The following ZBTB24 variants were observed in gnomAD, a reference collection of about 807,000 sequenced individuals.
The protein encoded by ZBTB24 is zinc finger and BTB domain containing 24, also known as zinc finger and BTB domain-containing protein 24.
Under a neutral mutation model 53.8 loss-of-function variants are expected in ZBTB24, and 32 were observed. The ratio of observed to expected loss-of-function variants is 0.60; its 90% CI spans 0.45 to 0.80. The LOEUF is 0.80. ZBTB24 is among the 30% of genes least tolerant of loss of function. The probability of loss-of-function intolerance (pLI) is 0.00; values close to 1 mark genes in which losing one functional copy is unlikely to be tolerated. For missense variants in ZBTB24, 722 were observed against 837.1 expected (o/e 0.86, Z 1.70); for synonymous variants, 297 against 306.7 (o/e 0.97, Z 0.33).
chr6:109,481,446 T>C lies in ZBTB24; in HGVS notation c.581A>G (p.Asn194Ser), dbSNP rs200325007. 1 of 1,614,260 alleles carries C rather than the reference T, an allele frequency of 6.2e-7. No homozygotes were observed. Among genetic ancestry groups the C allele is most frequent in the East Asian group, 2.2e-5 (1 of 44,894 alleles). The change falls in exon 2 of 7, where the codon AAT (asparagine) becomes AGT (serine). Residue 194 changes from asparagine to serine, a missense_variant. By Grantham distance (46) the Asn-to-Ser change is conservative. Coordinates refer to ENST00000230122, the MANE Select transcript of ZBTB24 (RefSeq NM_014797.3). ...TCCTTTAACCACAAAGTTTTGTCTA[T>C]TCTGAACTGAATTGTTCACTCTTAA... is the stretch of plus-strand genomic sequence containing the variant. ...IQLRVNNSVQ[N>S]RQNFVVKGDS...
rs528269227 is a variant in ZBTB24, at chr6:109,469,401, T to C, written c.1289-1667A>G. Reference sequence around the variant, plus strand: ...CTGAGTTTCTATTTCAGAAAGTCTGTCTGATGGCAAATGTTTTTTGAGGGT... The same window carrying C: ...CTGAGTTTCTATTTCAGAAAGTCTGCCTGATGGCAAATGTTTTTTGAGGGT... On this transcript the variant is annotated intron_variant, in intron 5 of 6. Transcript: ENST00000230122. Among the ~76,000 whole-genome samples the C allele has an allele frequency of 6.2e-4, 95 of 152,370 alleles. 1 individual carries two copies. In the South Asian group the frequency reaches 0.019, roughly 31 times the overall value.
chr6:109,478,957 G>C (rs538051484), intron 2 of ZBTB24, among the ~76,000 whole-genome samples: 4 of 152,028 alleles, frequency 2.6e-5, no homozygotes, highest in African/African-American at 9.6e-5. Context: ...AAAAAAAAGA[G>C]CTCCTAAAGG....
intron 5 of ZBTB24, among the ~76,000 whole-genome samples, chr6:109,471,064 TTA>T (rs1776155191): frequency 6.6e-6 from 1 of 152,246 alleles, no homozygotes; most frequent in South Asian, 2.1e-4. Context: ...ATTGTGCAGT[TTA>T]TGTTTTGGTA....
chr6:109,473,921 C>CA lies in ZBTB24; in HGVS notation c.1288+1477dup, dbSNP rs933883447. Among the ~76,000 whole-genome samples, 266 of 144,662 alleles carry CA rather than the reference C, an allele frequency of 1.8e-3. 1 individual carries two copies. The highest frequency in any genetic ancestry group is 0.013 in the East Asian group (67 of 4,990). 94.9% of individuals were successfully genotyped at this position (144,662 alleles called of 152,430 possible). On this transcript the variant is annotated intron_variant, in intron 5 of 6. Coordinates refer to ENST00000230122, the MANE Select transcript of ZBTB24 (RefSeq NM_014797.3). Reference sequence around the variant, plus strand: ...CTAACATGCCAAAACCCTGTCTCTACAAAAAAAAAACACAAAAATTAGCCA... The same window carrying CA: ...CTAACATGCCAAAACCCTGTCTCTACAAAAAAAAAAACACAAAAATTAGCCA...
At chr6:109,480,609 G>A (rs1379517909) in intron 2 of ZBTB24, among the ~76,000 whole-genome samples, 1 of 152,238 alleles carries the variant, frequency 6.6e-6, no homozygotes, top group Admixed American at 6.5e-5. Context: ...GATCTACACA[G>A]ACTTGGGCAA....
chr6:109,482,453 G>A (rs1279281756), intron 1 of ZBTB24, among the ~76,000 whole-genome samples: 1 of 151,226 alleles, frequency 6.6e-6, no homozygotes, highest in Admixed American at 6.6e-5. Context: ...GCGACAGAAC[G>A]AGACCACCAC....
At chr6:109,474,903 T>G (rs774103868) in intron 5 of ZBTB24, among the ~76,000 whole-genome samples, 1 of 151,372 alleles carries the variant, frequency 6.6e-6, no homozygotes, top group Non-Finnish European at 1.5e-5. Context: ...AATTAGGTAG[T>G]GTGGTGGTTT....
At chr6:109,473,327 C>T (rs1776207770) in intron 5 of ZBTB24, among the ~76,000 whole-genome samples, 2 of 152,088 alleles carry the variant, frequency 1.3e-5, no homozygotes, top group Non-Finnish European at 2.9e-5. Flanking sequence ...TGATGCTCCT[C>T]CCAGCACGTC....
chr6:109,466,728 G>A (rs1371408845), intron 6 of ZBTB24, among the ~76,000 whole-genome samples, 154 bp from the exon 7 acceptor site: 1 of 152,208 alleles, frequency 6.6e-6, no homozygotes, highest in Non-Finnish European at 1.5e-5. Context: ...CTTGAAGCAA[G>A]TCTCGCTTCC....
intron 5 of ZBTB24, among the ~76,000 whole-genome samples, chr6:109,470,293 T>A (rs1042730441): frequency 6.6e-6 from 1 of 151,746 alleles, no homozygotes; most frequent in Non-Finnish European, 1.5e-5. Flanking sequence ...TTCCAGACCC[T>A]CTTCTCAGCA....
rs936511405 is a variant in ZBTB24, at chr6:109,477,134, T to G, written c.953-204A>C. ...AGCAGTGAGTAGCACTAACATAACCTAATTTTTTGTTTTTCCTTTGTAACA... is the reference window on the plus strand; with the variant it reads ...AGCAGTGAGTAGCACTAACATAACCGAATTTTTTGTTTTTCCTTTGTAACA... On this transcript the variant is annotated intron_variant, in intron 2 of 6. Coordinates refer to ENST00000230122, the MANE Select transcript of ZBTB24 (RefSeq NM_014797.3). Among the ~76,000 whole-genome samples, 7 of 152,266 alleles carry G rather than the reference T, an allele frequency of 4.6e-5. No individual in the cohort carries two copies. The Middle Eastern group carries it at 0.01, about 222-fold the overall frequency.
chr6:109,468,099 G>A (rs900028708), intron 5 of ZBTB24, among the ~76,000 whole-genome samples: 7 of 152,070 alleles, frequency 4.6e-5, no homozygotes, highest in African/African-American at 1.7e-4. Context: ...ACTTGACCCT[G>A]AAAGGACTCC....
intron 2 of ZBTB24, among the ~76,000 whole-genome samples, chr6:109,478,817 GACAA>G (rs748304793): frequency 1.5e-5 from 2 of 130,476 alleles, no homozygotes; most frequent in South Asian, 2.2e-4. Context: ...AATAGTGACA[GACAA>G]ACAAGCAAGA....
intron 3 of ZBTB24, 121 bp downstream of exon 3, chr6:109,476,642 C>G: frequency 7.2e-7 from 1 of 1,384,410 alleles, no homozygotes. Context: ...AAAATCCTGT[C>G]TTTCAATGAC....
rs1157438813 is a variant in ZBTB24, at chr6:109,466,374, A to G, written c.1571T>C (p.Ile524Thr). Residue 524 changes from isoleucine to threonine, a missense_variant, in exon 7 of 7, where the codon ATT becomes ACT. Coordinates refer to ENST00000230122, the MANE Select transcript of ZBTB24 (RefSeq NM_014797.3). ...KEKHASDASSISGSSNTEEVR... is the reference protein window; with the variant it reads ...KEKHASDASSTSGSSNTEEVR... The stretch of plus-strand genomic sequence containing the variant: ...CTCTTCTGTATTACTACTGCCAGAA[A>G]TGCTGCTGGCATCTGAAGCATGCTT... 6.2e-7 allele frequency: 1 copy of G among 1,614,120 alleles called. No individual in the cohort carries two copies. The highest frequency in any genetic ancestry group is 1.7e-5 in the Admixed American group (1 of 60,016).
At chr6:109,467,773 A>G (rs1251982755) in intron 5 of ZBTB24, 39 bp from the exon 6 acceptor site, 1 of 1,604,280 alleles carries the variant, frequency 6.2e-7, no homozygotes, top group Non-Finnish European at 8.5e-7. Flanking sequence ...ACCCAAAACA[A>G]AAAAACATTT....
intron 5 of ZBTB24, among the ~76,000 whole-genome samples, chr6:109,470,654 GACCCCT>G (rs1271862914): frequency 1.3e-5 from 2 of 152,194 alleles, no homozygotes; most frequent in Non-Finnish European, 2.9e-5. Context: ...CGTCCGTGTG[GACCCCT>G]CAGCATCCTG....
In ZBTB24 at chr6:109,476,815, G is replaced by C. The variant is rs769441733; in HGVS notation, c.1068C>G (p.Ser356Arg). 3.1e-6 allele frequency: 5 copies of C among 1,614,056 alleles called. No individual in the cohort carries two copies. Among genetic ancestry groups the C allele is most frequent in the Non-Finnish European group, 4.2e-6 (5 of 1,179,996 alleles). ...GTGAGTGCTTGGTGGTCAGAGCCTT[G>C]CTGCACACGGTGCAGGTGTACGGCC... ...GERPYTCTVC[S>R]KALTTKHSLL... The change falls in exon 3 of 7, where the codon AGC becomes AGG. Residue 356 changes from serine (S) to arginine (R), a missense_variant. Coordinates refer to ENST00000230122, the MANE Select transcript of ZBTB24 (RefSeq NM_014797.3).
Position 109,476,148 on chromosome 6 carries a change from A to C in ZBTB24, c.1204+27T>G, listed in dbSNP as rs376876122. On this transcript the variant is annotated intron_variant, in intron 4 of 6. Coordinates refer to ENST00000230122, the MANE Select transcript of ZBTB24 (RefSeq NM_014797.3). ...TTCTTATTTGCATTTCTTCCCCCCC[A>C]ATCTAAATGTTCTCACTTTATCGTA... The C allele has an allele frequency of 2.0e-5, 32 of 1,609,016 alleles. No individual in the cohort carries two copies. In the African/African-American group the frequency reaches 4.0e-4, roughly 20 times the overall value.
Sources: allele counts gnomAD v4.1 joint callset (sites outside exome capture counted in the v4.1 genomes callset), GRCh38; gene constraint gnomAD v4.1.1; transcripts MANE v1.5; gene names NCBI Gene and HGNC (gene_info 2026-07-23, HGNC 2026-07-21).